The following DCHS1 variants were observed in gnomAD, a reference collection of about 807,000 sequenced individuals.
DCHS1 encodes protocadherin-16.
In DCHS1, 78 loss-of-function variants were observed where a neutral mutation model predicts 213.9. That is an observed-to-expected ratio of 0.36 (90% CI 0.30 to 0.44). The LOEUF is 0.44. Ranked by LOEUF, DCHS1 falls within the 20% of genes least tolerant of loss-of-function variation. The probability of loss-of-function intolerance (pLI) is 1.00; values close to 1 mark genes in which losing one functional copy is unlikely to be tolerated. For missense variants in DCHS1, 3,946 were observed against 4,395.9 expected, an observed-to-expected ratio of 0.90 and a Z score of 2.89; for synonymous variants, 1,828 against 1,873.7, an observed-to-expected ratio of 0.98 and a Z score of 0.63.
intron 2 of DCHS1, among the ~76,000 whole-genome samples, chr11:6,639,045 A>AG (rs1328042596): frequency 2.0e-4 from 30 of 151,932 alleles, no homozygotes; most frequent in African/African-American, 6.8e-4. Flanking sequence ...CAGGAGGCAG[A>AG]CTTGCAGTGA....
In DCHS1 at chr11:6,629,397, A is replaced by C. The variant is rs11828918; in HGVS notation, c.5161+55T>G. On this transcript the variant is annotated intron_variant, in intron 12 of 20. Transcript: ENST00000299441. ...AGTACTTTGGGTATTCTATCCAGGT[A>C]ACACTGGTGTTTACAACACCTCACT... 997 of 1,595,412 alleles carry C rather than the reference A, an allele frequency of 6.2e-4. 4 individuals are homozygous for C. The African/African-American group carries it at 0.011, about 18-fold the overall frequency.
chr11:6,624,579 A>C, intron 20 of DCHS1, 151 bp downstream of exon 20: 1 of 1,351,012 alleles, frequency 7.4e-7, no homozygotes, highest in Middle Eastern at 1.9e-4. Flanking sequence ...GCAGTCAACA[A>C]GGGGCTTATA....
chr11:6,633,598 G>T lies in DCHS1; in HGVS notation c.2269C>A (p.Gln757Lys). 1 of 1,598,762 alleles carries T rather than the reference G, an allele frequency of 6.3e-7. No homozygotes were observed. The highest frequency in any genetic ancestry group is 1.7e-5 in the Admixed American group (1 of 57,584). Residue 757 changes from glutamine to lysine, a missense_variant, in exon 5 of 21, where the codon CAG (glutamine) becomes AAG (lysine). Physicochemically the swap from Gln to Lys is moderately conservative, Grantham distance 53. Transcript: ENST00000299441. Reference sequence around the variant, plus strand: ...CCGTCCTCAGCCCCGATCTCCAGCTGCACCACAGAATTGGCCCGTCTGGCC... The same window carrying T: ...CCGTCCTCAGCCCCGATCTCCAGCTTCACCACAGAATTGGCCCGTCTGGCC... The part of the protein sequence containing the change: ...PLARRANSVV[Q>K]LEIGAEDGGG...
At position 6,641,328 on chromosome 11, in the gene DCHS1, C is replaced by T. The variant is rs1453996505; in HGVS notation, c.286G>A (p.Glu96Lys). 8.7e-6 allele frequency: 14 copies of T among 1,613,540 alleles called. No homozygotes were observed. Among genetic ancestry groups the T allele is most frequent in the Non-Finnish European group, 1.2e-5 (14 of 1,179,908 alleles). Residue 96 changes from glutamate (E) to lysine (K), a missense_variant, in exon 2 of 21, where the codon GAA (glutamate) becomes AAA (lysine). This residue lies in a region of DCHS1 where 3,384 missense variants were observed against 3,780.1 expected (regional missense o/e 0.90). Transcript: ENST00000299441. The surrounding 1 kb of genome is among the most constrained non-coding windows in gnomAD (Gnocchi z 7.1). Reference protein sequence around the residue: ...SGVGTDLAIDEHSGVVRTARV... With the variant: ...SGVGTDLAIDKHSGVVRTARV... ...GCTGTACGGACGACCCCACTGTGTT[C>T]GTCAATGGCCAGGTCTGTGCCCACG...
At chr11:6,630,906 T>C in intron 9 of DCHS1, 43 bp from the exon 10 acceptor site, 1 of 1,494,920 alleles carries the variant, frequency 6.7e-7, no homozygotes, top group Non-Finnish European at 8.9e-7. Context: ...TGAGGGCCCG[T>C]GTAAAAGGGG....
intron 5 of DCHS1, 62 bp downstream of exon 5, chr11:6,633,350 G>A: frequency 2.0e-6 from 3 of 1,474,472 alleles, no homozygotes; most frequent in Middle Eastern, 2.1e-4. Flanking sequence ...TTCGGATGGT[G>A]CTGGAGGGTT....
chr11:6,642,085 T>C (rs1366843320), intron 1 of DCHS1, among the ~76,000 whole-genome samples: 3 of 152,248 alleles, frequency 2.0e-5, no homozygotes, highest in Non-Finnish European at 4.4e-5. Flanking sequence ...TTCCAGCCTC[T>C]ATAACCATGT....
intron 2 of DCHS1, among the ~76,000 whole-genome samples, chr11:6,634,647 T>A (rs887862377): frequency 3.3e-5 from 5 of 152,028 alleles, no homozygotes; most frequent in Admixed American, 3.3e-4. Context: ...ATAAAGCTTA[T>A]CTAACATATG....
Position 6,640,788 on chromosome 11 carries a change from G to A in DCHS1, c.826C>T (p.Gln276Ter). 6.2e-7 allele frequency: 1 copy of A among 1,614,030 alleles called. No homozygotes were observed. Residue 276 changes from glutamine (Q) to a stop codon, truncating the protein, a stop_gained, in exon 2 of 21, where the codon CAG becomes TAG. Transcript: ENST00000299441. LOFTEE classifies it high-confidence loss of function. This position sits in a 1 kb window ranked among gnomAD's most constrained non-coding sequence, Gnocchi z 6.5. ...ESLAPGSPVL[Q>*]VFASDADAGV... ...GCATCGGCATCAGATGCGAACACCT[G>A]CAAGACAGGACTGCCAGGGGCCAGG...
At chr11:6,629,080 A>G (rs912504713) in intron 12 of DCHS1, among the ~76,000 whole-genome samples, 4 of 152,178 alleles carry the variant, frequency 2.6e-5, no homozygotes, top group Non-Finnish European at 4.4e-5. Flanking sequence ...GAGGTATGAA[A>G]AGATCTGGGT....
At chr11:6,647,742 T>C (rs1856185156) in intron 1 of DCHS1, among the ~76,000 whole-genome samples, 1 of 152,162 alleles carries the variant, frequency 6.6e-6, no homozygotes, top group East Asian at 1.9e-4. Flanking sequence ...ATGTAGTCTA[T>C]GTTGCCTGAG....
rs1855797708 is a variant in DCHS1 at position 6,626,131 on chromosome 11, C to G, written c.6576+38G>C. ...CTGGCCACAGACAAGTCTGACTAGC[C>G]CTGCTCCCCCGCCCAATCTTTCCAT... On this transcript the variant is annotated intron_variant, in intron 16 of 20. Transcript: ENST00000299441. The surrounding 1 kb of genome is among the most constrained non-coding windows in gnomAD (Gnocchi z 5.2). 6.3e-7 allele frequency: 1 copy of G among 1,594,804 alleles called. No individual in the cohort carries two copies. Among genetic ancestry groups the G allele is most frequent in the Non-Finnish European group, 8.5e-7 (1 of 1,170,772 alleles).
rs1470471656 is a variant in DCHS1, at chr11:6,623,818, C to T, written c.7858G>A (p.Glu2620Lys). 13 of 1,613,782 alleles carry T rather than the reference C, an allele frequency of 8.1e-6. No homozygotes were observed. The highest frequency in any genetic ancestry group is 1.1e-5 in the Non-Finnish European group (13 of 1,179,688). The change falls in exon 21 of 21, where the codon GAG becomes AAG. Residue 2620 changes from glutamate to lysine, a missense_variant. Physicochemically the swap from Glu to Lys is moderately conservative, Grantham distance 56. This residue lies in a region of DCHS1 where 3,384 missense variants were observed against 3,780.1 expected (regional missense o/e 0.90). Coordinates refer to ENST00000299441, the MANE Select transcript of DCHS1 (RefSeq NM_003737.4). ...TVPEDTPVGA[E>K]LLHVEASDAD... ...TCAGAGGCCTCTACATGCAGCAGCTCAGCTCCAACAGGTGTGTCCTCAGGT... is the reference window on the plus strand; with the variant it reads ...TCAGAGGCCTCTACATGCAGCAGCTTAGCTCCAACAGGTGTGTCCTCAGGT...
In DCHS1 at chr11:6,622,099, A is replaced by G. The variant is rs1210109749; in HGVS notation, c.9577T>C (p.Cys3193Arg). 5.6e-6 allele frequency: 9 copies of G among 1,613,222 alleles called. No homozygotes were observed. Among genetic ancestry groups the G allele is most frequent in the African/African-American group, 4.0e-5 (3 of 75,030 alleles). ...GGGTCGATACGGGGAGCTGGGGGACATGGCCGAGCTTCATCCTTGAGCCGA... is the reference window on the plus strand; with the variant it reads ...GGGTCGATACGGGGAGCTGGGGGACGTGGCCGAGCTTCATCCTTGAGCCGA... ...IARLKDEARP[C>R]PPAPRIDPPP... Residue 3193 changes from cysteine (C) to arginine (R), a missense_variant, in exon 21 of 21, where the codon TGT becomes CGT. This residue lies in a region of DCHS1 where 554 missense variants were observed against 590.2 expected (regional missense o/e 0.94). Coordinates refer to ENST00000299441, the MANE Select transcript of DCHS1 (RefSeq NM_003737.4). The surrounding 1 kb of genome is among the most constrained non-coding windows in gnomAD (Gnocchi z 5.4).
At chr11:6,646,141 A>G (rs1055605054) in intron 1 of DCHS1, among the ~76,000 whole-genome samples, 2 of 150,806 alleles carry the variant, frequency 1.3e-5, no homozygotes, top group Admixed American at 6.6e-5. Flanking sequence ...CCCACCCTCC[A>G]CACACACCCA....
intron 5 of DCHS1, 44 bp from the exon 6 acceptor site, chr11:6,633,100 C>G (rs772805866): frequency 3.2e-6 from 5 of 1,556,682 alleles, no homozygotes; most frequent in Non-Finnish European, 4.4e-6. Context: ...TGGAGGGGCA[C>G]TTATTGAGTC....
At chr11:6,648,604 CTAGAA>C (rs2134656978) in intron 1 of DCHS1, among the ~76,000 whole-genome samples, 1 of 152,308 alleles carries the variant, frequency 6.6e-6, no homozygotes, top group African/African-American at 2.4e-5. Flanking sequence ...TACTACACCC[CTAGAA>C]TAGGGAGACA....
At position 6,621,715 on chromosome 11, in the gene DCHS1, C is replaced by T. The variant is rs914200765; in HGVS notation, c.*64G>A. On this transcript the variant is annotated 3_prime_UTR_variant, in exon 21 of 21. Transcript: ENST00000299441. Reference sequence around the variant, plus strand: ...AGTCCGAGGCTGCCCAGGGCAGGCTCAGAGTGGGGCCTGCGTTGGGGACAC... The same window carrying T: ...AGTCCGAGGCTGCCCAGGGCAGGCTTAGAGTGGGGCCTGCGTTGGGGACAC... 9.1e-6 allele frequency: 14 copies of T among 1,531,634 alleles called. No individual in the cohort carries two copies. Among genetic ancestry groups the T allele is most frequent in the Non-Finnish European group, 1.2e-5 (14 of 1,139,900 alleles). 94.9% of individuals were successfully genotyped at this position (1,531,634 alleles called of 1,614,324 possible).
chr11:6,652,821 C>T (rs1299044258), intron 1 of DCHS1, among the ~76,000 whole-genome samples: 1 of 152,142 alleles, frequency 6.6e-6, no homozygotes, highest in African/African-American at 2.4e-5. Context: ...TTCCTTCACC[C>T]CACCATGTCT....
Sources: gnomAD v4.1 joint callset for allele counts (sites outside exome capture counted in the v4.1 genomes callset) on GRCh38, gnomAD v4.1.1 for gene constraint, gnomAD v4.1.1 regional missense constraint, Gnocchi (gnomAD v3.1) non-coding constraint, MANE v1.5 for transcripts, NCBI Gene and HGNC (gene_info 2026-07-23, HGNC 2026-07-21) for gene names.